AFG1L: variants seen among roughly 807,000 people sequenced by gnomAD.
The protein encoded by AFG1L is AFG1-like ATPase.
In AFG1L, 53 loss-of-function variants were observed where a neutral mutation model predicts 62.2. The observed-to-expected ratio is 0.85, with a 90% CI of 0.68 to 1.07. AFG1L has a LOEUF of 1.07. AFG1L is among the 50% of genes least tolerant of loss of function. The pLI is 0.00. For synonymous variants in AFG1L, 228 were observed against 210.3 expected, an observed-to-expected ratio of 1.08 and a Z score of -0.73; for missense variants, 555 against 590.5, an observed-to-expected ratio of 0.94 and a Z score of 0.62.
chr6:108,479,456 T>A (rs1384816787), intron 10 of AFG1L, among the ~76,000 whole-genome samples: 1 of 152,210 alleles, frequency 6.6e-6, no homozygotes, highest in Non-Finnish European at 1.5e-5. Flanking sequence ...AAGCACTGAA[T>A]GACCTGCAAA....
At chr6:108,353,329 A>C (rs1403279037) in intron 3 of AFG1L, among the ~76,000 whole-genome samples, 3 of 151,660 alleles carry the variant, frequency 2.0e-5, no homozygotes, top group African/African-American at 4.8e-5. Flanking sequence ...TAATATTTTA[A>C]ATTTTTAGTA....
Position 108,332,036 on chromosome 6 carries a change from G to A in AFG1L, c.363+7988G>A, listed in dbSNP as rs1188373128. Among the ~76,000 whole-genome samples the A allele has an allele frequency of 3.9e-5, 6 of 152,080 alleles. No homozygotes were observed. In the South Asian group the frequency reaches 8.3e-4, roughly 21 times the overall value. On this transcript the variant is annotated intron_variant, in intron 2 of 12. Coordinates refer to ENST00000368977, the MANE Select transcript of AFG1L (RefSeq NM_145315.5). ...ATACCTCCTCCTCACCCTTCCAAGA[G>A]CAATGCATGAGGCAGATGGAAAAGA...
intron 7 of AFG1L, among the ~76,000 whole-genome samples, chr6:108,427,517 A>ATTT (rs34500468): frequency 5.0e-5 from 5 of 100,244 alleles, no homozygotes; most frequent in Non-Finnish European, 5.8e-5. Context: ...TCAAAATGGA[A>ATTT]TTTTTTTTTT....
chr6:108,318,444 T>A (rs1420712342), intron 1 of AFG1L: 2 of 182,518 alleles, frequency 1.1e-5, no homozygotes, highest in Non-Finnish European at 2.3e-5. Flanking sequence ...GATAATAAAA[T>A]CTTGAGGTTA....
intron 6 of AFG1L, among the ~76,000 whole-genome samples, chr6:108,385,312 T>C (rs1162421970): frequency 6.6e-6 from 1 of 152,148 alleles, no homozygotes; most frequent in Non-Finnish European, 1.5e-5. Context: ...AGGTTGTGGG[T>C]GTACTGGAAT....
chr6:108,361,774 A>G (rs1387021454), intron 5 of AFG1L, among the ~76,000 whole-genome samples: 1 of 152,112 alleles, frequency 6.6e-6, no homozygotes, highest in Admixed American at 6.5e-5. Flanking sequence ...CCTCCTTAAC[A>G]AGGCCCATCT....
chr6:108,388,409 C>T (rs879443925), intron 6 of AFG1L, among the ~76,000 whole-genome samples: 39 of 151,540 alleles, frequency 2.6e-4, no homozygotes, highest in Middle Eastern at 3.2e-3. Flanking sequence ...TATTTCTTGC[C>T]TTCTGCTAGC....
chr6:108,447,011 T>C (rs1195598962), intron 7 of AFG1L, among the ~76,000 whole-genome samples: 1 of 152,248 alleles, frequency 6.6e-6, no homozygotes, highest in African/African-American at 2.4e-5. Flanking sequence ...TTTTTTAAAC[T>C]GATATTTCAG....
intron 5 of AFG1L, chr6:108,359,783 A>G (rs547401643): frequency 6.6e-6 from 1 of 152,366 alleles, no homozygotes; most frequent in African/African-American, 2.4e-5. Context: ...TATAGAAAGT[A>G]ATGGAGCTCC....
At chr6:108,490,111 A>C (rs1199244014) in intron 10 of AFG1L, among the ~76,000 whole-genome samples, 1 of 152,244 alleles carries the variant, frequency 6.6e-6, no homozygotes, top group Non-Finnish European at 1.5e-5. Context: ...CTGTAATCCC[A>C]GCACTTTGGG....
At chr6:108,371,432 TG>T (rs1780001058) in intron 6 of AFG1L, among the ~76,000 whole-genome samples, 1 of 152,104 alleles carries the variant, frequency 6.6e-6, no homozygotes, top group South Asian at 2.1e-4. Context: ...TAAAATGAGT[TG>T]GGCCTGGTGG....
At chr6:108,422,152 A>G (rs1417876847) in intron 7 of AFG1L, among the ~76,000 whole-genome samples, 1 of 152,050 alleles carries the variant, frequency 6.6e-6, no homozygotes, top group East Asian at 1.9e-4. Context: ...CAGTTTGGTT[A>G]AAAATATTAG....
intron 11 of AFG1L, among the ~76,000 whole-genome samples, chr6:108,518,058 C>G (rs997929868): frequency 2.0e-5 from 3 of 152,158 alleles, no homozygotes; most frequent in African/African-American, 7.2e-5. Flanking sequence ...GTTGGTGGGA[C>G]TGTAAACTAG....
chr6:108,500,014 A>G (rs1427363920), intron 10 of AFG1L, among the ~76,000 whole-genome samples: 1 of 151,584 alleles, frequency 6.6e-6, no homozygotes, highest in Non-Finnish European at 1.5e-5. Flanking sequence ...ATGTGTACCC[A>G]TTGTTTAGCT....
At chr6:108,435,437 G>A (rs1771264178) in intron 7 of AFG1L, among the ~76,000 whole-genome samples, 1 of 152,194 alleles carries the variant, frequency 6.6e-6, no homozygotes, top group African/African-American at 2.4e-5. Flanking sequence ...CTGTAATCCA[G>A]CACTTTGGGA....
chr6:108,439,247 T>G (rs369496123), intron 7 of AFG1L, among the ~76,000 whole-genome samples: 1 of 152,214 alleles, frequency 6.6e-6, no homozygotes, highest in African/African-American at 2.4e-5. Flanking sequence ...ACTACCAGAC[T>G]GTCAGAGCAA....
chr6:108,330,119 G>A, intron 2 of AFG1L, among the ~76,000 whole-genome samples: 1 of 152,130 alleles, frequency 6.6e-6, no homozygotes, highest in East Asian at 1.9e-4. Flanking sequence ...GCCCTCACTA[G>A]GTGGGGTCCC....
chr6:108,432,809 C>T lies in AFG1L; in HGVS notation c.808-14405C>T, dbSNP rs543662391. 4.3e-4 allele frequency among the ~76,000 whole-genome samples: 65 copies of T among 152,320 alleles called. 1 individual carries two copies. The highest frequency in any genetic ancestry group is 6.8e-3 in the Middle Eastern group (2 of 294). ...AACCAAATCCTCCTCCCTGAAATGCCTGGGAGTGGGGCCTGGATGTTGGCA... is the reference window on the plus strand; with the variant it reads ...AACCAAATCCTCCTCCCTGAAATGCTTGGGAGTGGGGCCTGGATGTTGGCA... On this transcript the variant is annotated intron_variant, in intron 7 of 12. Transcript: ENST00000368977.
At chr6:108,486,770 T>C (rs1773590221) in intron 10 of AFG1L, among the ~76,000 whole-genome samples, 1 of 152,096 alleles carries the variant, frequency 6.6e-6, no homozygotes, top group South Asian at 2.1e-4. Flanking sequence ...CCAGGCATGA[T>C]CTTAGCTCAC....
Sources: gnomAD v4.1 joint callset for allele counts (sites outside exome capture counted in the v4.1 genomes callset) on GRCh38, gnomAD v4.1.1 for gene constraint, MANE v1.5 for transcripts, NCBI Gene and HGNC (gene_info 2026-07-23, HGNC 2026-07-21) for gene names.